Variants in SLFN12L observed in about 807,000 individuals in gnomAD.
SLFN12L encodes the protein schlafen family member 12 like.
Under a neutral mutation model 34.8 loss-of-function variants are expected in SLFN12L, and 34 were observed. The observed-to-expected ratio is 0.98, with a 90% CI of 0.74 to 1.30. The LOEUF is 1.30. Among genes scored for constraint, SLFN12L ranks in the 50% most tolerant of loss-of-function variants. The pLI, the probability that SLFN12L is intolerant of heterozygous loss-of-function variation, is 0.00. For missense variants in SLFN12L, 703 were observed against 696.2 expected (o/e 1.01, Z -0.11); for synonymous variants, 259 against 247.5 (o/e 1.05, Z -0.44).
In SLFN12L at chr17:35,522,793, A is replaced by G; in HGVS notation, c.-429T>C. 1 of 1,552,858 alleles carries G rather than the reference A, an allele frequency of 6.4e-7. No homozygotes were observed. Among genetic ancestry groups the G allele is most frequent in the Non-Finnish European group, 8.9e-7 (1 of 1,129,304 alleles). The stretch of plus-strand genomic sequence containing the variant: ...TTCTATGCTATCAGCAGAGCATCAC[A>G]GATGACTCCTGGCTTCTCCTGCAAA... On this transcript the variant is annotated 5_prime_UTR_variant, in exon 2 of 5. Transcript: ENST00000628453.
chr17:35,493,138 A>C (rs546397616), intron 2 of SLFN12L, among the ~76,000 whole-genome samples: 1 of 152,142 alleles, frequency 6.6e-6, no homozygotes, highest in Non-Finnish European at 1.5e-5. Flanking sequence ...GAAGGTGCAG[A>C]CTATCTTCCT....
chr17:35,515,017 C>T (rs1915767423), intron 2 of SLFN12L: 1 of 520,670 alleles, frequency 1.9e-6, no homozygotes, highest in Non-Finnish European at 3.8e-6. Context: ...TTAAGGTCAG[C>T]TAACTTGGAA....
chr17:35,517,978 T>C (rs1225199029), intron 2 of SLFN12L, among the ~76,000 whole-genome samples: 1 of 152,188 alleles, frequency 6.6e-6, no homozygotes, highest in Non-Finnish European at 1.5e-5. Flanking sequence ...ATTCAGGACA[T>C]AGGCATGGGC....
In SLFN12L at chr17:35,488,581, C is replaced by T. The variant is rs533946988; in HGVS notation, c.87-8386G>A. ...CAGCCCACACGTCTAAGAACTGTTG[C>T]GAGAACCCATACTTTTTGAAATGCA... On this transcript the variant is annotated intron_variant, in intron 2 of 4. Coordinates refer to ENST00000628453, the MANE Select transcript of SLFN12L (RefSeq NM_001363830.2). 3.9e-5 allele frequency among the ~76,000 whole-genome samples: 6 copies of T among 152,214 alleles called. No individual in the cohort carries two copies. In the East Asian group the frequency reaches 7.7e-4, roughly 20 times the overall value.
At chr17:35,512,123 T>G (rs1832247341) in intron 2 of SLFN12L, among the ~76,000 whole-genome samples, 1 of 151,546 alleles carries the variant, frequency 6.6e-6, no homozygotes, top group African/African-American at 2.4e-5. Flanking sequence ...CAATTGTGTT[T>G]CTGGGAGAGA....
chr17:35,523,934 TA>T (rs900522419), intron 1 of SLFN12L, among the ~76,000 whole-genome samples: 435 of 145,542 alleles, frequency 3.0e-3, no homozygotes, highest in Admixed American at 3.8e-3. Context: ...GAACTTGTCT[TA>T]AAAAAAAAAA....
intron 2 of SLFN12L, among the ~76,000 whole-genome samples, chr17:35,511,923 A>C (rs1915658735): frequency 6.6e-6 from 1 of 152,140 alleles, no homozygotes; most frequent in South Asian, 2.1e-4. Flanking sequence ...TCCACTTCCA[A>C]AGTTTTTTTT....
intron 2 of SLFN12L, chr17:35,490,651 C>A: frequency 1.1e-6 from 1 of 940,072 alleles, no homozygotes. Flanking sequence ...TGAACTGATC[C>A]CAAGCTGCAC....
At chr17:35,487,586 A>T in intron 2 of SLFN12L, 1 of 814,886 alleles carries the variant, frequency 1.2e-6, no homozygotes, top group Non-Finnish European at 1.9e-6. Context: ...GCGCTGTGCC[A>T]GCGCGGGCCC....
In SLFN12L at chr17:35,530,405, GGAAGGAAGGAAGGAAGGAAGGA is replaced by G. The variant is rs1567693458; in HGVS notation, c.-606+7146_-606+7167del. 3.2e-3 allele frequency among the ~76,000 whole-genome samples: 36 copies of G among 11,342 alleles called. 1 individual carries two copies. Among genetic ancestry groups the G allele is most frequent in the East Asian group, 0.031 (1 of 32 alleles). The allele number at this position is 11,342 out of a possible 152,430, so 7.4% of individuals were successfully genotyped here. On this transcript the variant is annotated intron_variant, in intron 1 of 4. Coordinates refer to ENST00000628453, the MANE Select transcript of SLFN12L (RefSeq NM_001363830.2). ...AGGAAGGAAGGAAGGAAGGAAGGAAGGAAGGAAGGAAGGAAGGAAGGAAGGGAAGGGAAGGGAAGAAAGAAAG... is the reference window on the plus strand; with the variant it reads ...AGGAAGGAAGGAAGGAAGGAAGGAAGAGGGAAGGGAAGGGAAGAAAGAAAG...
chr17:35,529,012 C>T (rs1433882467), intron 1 of SLFN12L, among the ~76,000 whole-genome samples: 2 of 152,098 alleles, frequency 1.3e-5, no homozygotes, highest in African/African-American at 4.8e-5. Context: ...AAACAAACAA[C>T]CCCATCAAAA....
intron 2 of SLFN12L, among the ~76,000 whole-genome samples, chr17:35,496,903 G>A (rs1250361127): frequency 6.6e-6 from 1 of 152,160 alleles, no homozygotes; most frequent in Non-Finnish European, 1.5e-5. Context: ...GGCTGAAAAT[G>A]TTACCCTAAT....
chr17:35,471,383 C>T lies in SLFN12L; in HGVS notation c.*3540G>A, dbSNP rs1003194425. ...AACTCCTGGCCTCAGGTGATCCACCCGCCTCAGCCTCCCAAAGTGCTGGGA... is the reference window on the plus strand; with the variant it reads ...AACTCCTGGCCTCAGGTGATCCACCTGCCTCAGCCTCCCAAAGTGCTGGGA... On this transcript the variant is annotated 3_prime_UTR_variant, in exon 5 of 5. Coordinates refer to ENST00000628453, the MANE Select transcript of SLFN12L (RefSeq NM_001363830.2). 6.6e-6 allele frequency among the ~76,000 whole-genome samples: 1 copy of T among 152,202 alleles called. No homozygotes were observed. The highest frequency in any genetic ancestry group is 2.4e-5 in the African/African-American group (1 of 41,524).
chr17:35,525,779 A>G (rs1022170692), intron 1 of SLFN12L, among the ~76,000 whole-genome samples: 3 of 152,342 alleles, frequency 2.0e-5, no homozygotes, highest in South Asian at 2.1e-4. Context: ...AAGACCATCG[A>G]CACTATGAAG....
chr17:35,488,877 C>G (rs1170023389), intron 2 of SLFN12L, among the ~76,000 whole-genome samples: 1 of 151,864 alleles, frequency 6.6e-6, no homozygotes, highest in Non-Finnish European at 1.5e-5. Context: ...TGAGACCAGC[C>G]TGGCCAACAT....
At chr17:35,499,414 A>G (rs1444045600) in intron 2 of SLFN12L, among the ~76,000 whole-genome samples, 1 of 152,234 alleles carries the variant, frequency 6.6e-6, no homozygotes, top group Non-Finnish European at 1.5e-5. Flanking sequence ...TATTTATACT[A>G]TCTGAAATGT....
intron 1 of SLFN12L, among the ~76,000 whole-genome samples, chr17:35,531,770 C>A (rs771139633): frequency 2.0e-5 from 3 of 151,858 alleles, no homozygotes; most frequent in Non-Finnish European, 2.9e-5. Flanking sequence ...GTTCCTGCCA[C>A]CACGCCTGGC....
In SLFN12L at chr17:35,493,676, A is replaced by G. The variant is rs1284147439; in HGVS notation, c.87-13481T>C. Among the ~76,000 whole-genome samples the G allele has an allele frequency of 4.6e-5, 7 of 152,208 alleles. No individual in the cohort carries two copies. The East Asian group carries it at 7.7e-4, about 17-fold the overall frequency. Reference sequence around the variant, plus strand: ...TAGTATCTGGCACACAAAGTGGGTTAGTACTACAGTATTTGCATTACTTTA... The same window carrying G: ...TAGTATCTGGCACACAAAGTGGGTTGGTACTACAGTATTTGCATTACTTTA... On this transcript the variant is annotated intron_variant, in intron 2 of 4. Transcript: ENST00000628453.
At chr17:35,501,624 G>A (rs1915297315) in intron 2 of SLFN12L, among the ~76,000 whole-genome samples, 3 of 152,118 alleles carry the variant, frequency 2.0e-5, no homozygotes, top group African/African-American at 7.2e-5. Context: ...GGAAGCATGG[G>A]TCAGGCACAA....
Sources: allele counts gnomAD v4.1 joint callset (sites outside exome capture counted in the v4.1 genomes callset), GRCh38; gene constraint gnomAD v4.1.1; transcripts MANE v1.5; gene names NCBI Gene and HGNC (gene_info 2026-07-23, HGNC 2026-07-21).